The following CCDC97 variants were observed in gnomAD, a reference collection of about 807,000 sequenced individuals.
The protein encoded by CCDC97 is coiled-coil domain containing 97, also known as coiled-coil domain-containing protein 97.
Under a neutral mutation model 33.9 loss-of-function variants are expected in CCDC97, and 27 were observed. That is an observed-to-expected ratio of 0.80 (90% CI 0.59 to 1.10). The LOEUF is 1.10. Among genes scored for constraint, CCDC97 ranks in the 50% least tolerant of loss-of-function variants. The pLI is 0.00. For missense variants in CCDC97, 422 were observed against 476.6 expected (o/e 0.89, Z 1.07); for synonymous variants, 217 against 194.0 (o/e 1.12, Z -0.99).
rs148882396 is a variant in CCDC97, at chr19:41,320,657, C to G, written c.911+187C>G. 6 of 620,940 alleles carry G rather than the reference C, an allele frequency of 9.7e-6. No homozygotes were observed. In the East Asian group the frequency reaches 1.8e-4, roughly 18 times the overall value. The allele number at this position is 620,940 out of a possible 1,614,324, so 38.5% of individuals were successfully genotyped here. A position where few individuals can be genotyped will look rare whatever the true frequency, so the allele number is the denominator to read the frequency against. On this transcript the variant is annotated intron_variant, in intron 4 of 4. Coordinates refer to ENST00000269967, the MANE Select transcript of CCDC97 (RefSeq NM_052848.3). Reference sequence around the variant, plus strand: ...GTGACCTCGGACTAGCCTTGTCCATCTCAGACCCTCAGTCTCCTCACCTCT... The same window carrying G: ...GTGACCTCGGACTAGCCTTGTCCATGTCAGACCCTCAGTCTCCTCACCTCT...
rs1489314564 is a variant in CCDC97, at chr19:41,316,826, A to T, written c.489A>T (p.Arg163=). The change falls in exon 2 of 5, where the codon CGA becomes CGT. Residue 163 remains arginine (R), a synonymous_variant. Coordinates refer to ENST00000269967, the MANE Select transcript of CCDC97 (RefSeq NM_052848.3). ...GTAACCGGCGCTATGCTGCCCTGCG[A>T]GAGCTGATCCAAGGTGTGGGGGCCA... The part of the protein sequence containing the change: ...RLRNRRYAAL[R]ELIQGGEYFS... The T allele has an allele frequency of 6.3e-7, 1 of 1,586,770 alleles. No individual in the cohort carries two copies. The highest frequency in any genetic ancestry group is 8.6e-7 in the Non-Finnish European group (1 of 1,159,508).
intron 1 of CCDC97, among the ~76,000 whole-genome samples, chr19:41,313,475 T>C (rs556585054): frequency 2.0e-5 from 3 of 152,326 alleles, no homozygotes; most frequent in African/African-American, 7.2e-5. Context: ...CCACAGCCCC[T>C]GCCCTTGTCC....
chr19:41,314,910 G>A (rs1320421922), intron 1 of CCDC97, among the ~76,000 whole-genome samples: 1 of 152,094 alleles, frequency 6.6e-6, no homozygotes, highest in African/African-American at 2.4e-5. Context: ...ATCGAGGTGG[G>A]AGGATTGCCT....
chr19:41,310,796 C>T, intron 1 of CCDC97: 1 of 1,000,690 alleles, frequency 1.0e-6, no homozygotes, highest in South Asian at 4.4e-5. Context: ...GCAAACTTAT[C>T]CCAATCTAAC....
intron 1 of CCDC97, among the ~76,000 whole-genome samples, chr19:41,314,831 C>G (rs1012554539): frequency 1.3e-5 from 2 of 152,072 alleles, no homozygotes; most frequent in Non-Finnish European, 2.9e-5. Context: ...AAGACCCTGT[C>G]TCTACCAAAA....
intron 4 of CCDC97, among the ~76,000 whole-genome samples, chr19:41,321,183 C>T (rs1255787357): frequency 1.3e-5 from 2 of 152,250 alleles, no homozygotes; most frequent in Non-Finnish European, 2.9e-5. Context: ...ATTGCCCCTG[C>T]CGTGGGGCCC....
chr19:41,315,508 A>G lies in CCDC97; in HGVS notation c.47-876A>G, dbSNP rs1192764946. On this transcript the variant is annotated intron_variant, in intron 1 of 4. Transcript: ENST00000269967. ...GTAATCCCAGCTAGTTGGGAGGCTGAGGCACCAACCACAATAACTTGAACC... is the reference window on the plus strand; with the variant it reads ...GTAATCCCAGCTAGTTGGGAGGCTGGGGCACCAACCACAATAACTTGAACC... 3.3e-5 allele frequency among the ~76,000 whole-genome samples: 5 copies of G among 151,656 alleles called. No homozygotes were observed. In the East Asian group the frequency reaches 9.8e-4, roughly 30 times the overall value.
rs1219379537 is a variant in CCDC97, at chr19:41,319,635, C to T, written c.564C>T (p.Tyr188=). 11 of 1,614,006 alleles carry T rather than the reference C, an allele frequency of 6.8e-6. No individual in the cohort carries two copies. Among genetic ancestry groups the T allele is most frequent in the African/African-American group, 1.3e-5 (1 of 75,048 alleles). The change falls in exon 3 of 5, where the codon TAC becomes TAT. Residue 188 remains tyrosine (Y), a synonymous_variant. Coordinates refer to ENST00000269967, the MANE Select transcript of CCDC97 (RefSeq NM_052848.3). Reference sequence around the variant, plus strand: ...GGGCCCCCCTGCTATATGAGCAGTACATCGGGCAGTATCTCACCCAGGAGG... The same window carrying T: ...GGGCCCCCCTGCTATATGAGCAGTATATCGGGCAGTATCTCACCCAGGAGG... The part of the protein sequence containing the change: ...RFRAPLLYEQ[Y]IGQYLTQEEL...
At position 41,316,445 on chromosome 19, in the gene CCDC97, A is replaced by G. The variant is rs2123056854; in HGVS notation, c.108A>G (p.Lys36=). The change falls in exon 2 of 5, where the codon AAA becomes AAG. Residue 36 remains lysine (K), a synonymous_variant. Transcript: ENST00000269967. ...GELSRTPVPS[K]PQDKVEAAEA... ...TGAGCCGGACACCAGTCCCATCTAA[A>G]CCCCAGGACAAAGTGGAAGCAGCTG... is the stretch of plus-strand genomic sequence containing the variant. The G allele has an allele frequency of 6.2e-7, 1 of 1,613,988 alleles. No homozygotes were observed. Among genetic ancestry groups the G allele is most frequent in the Non-Finnish European group, 8.5e-7 (1 of 1,180,000 alleles).
chr19:41,313,306 C>T (rs1044285274), intron 1 of CCDC97, among the ~76,000 whole-genome samples: 1 of 152,178 alleles, frequency 6.6e-6, no homozygotes, highest in Non-Finnish European at 1.5e-5. Flanking sequence ...CTGTCTCCAG[C>T]CCAACATTTC....
At chr19:41,320,612 C>A in intron 4 of CCDC97, 142 bp downstream of exon 4, 2 of 1,081,220 alleles carry the variant, frequency 1.8e-6, no homozygotes, top group Non-Finnish European at 2.7e-6. Context: ...TGGGGTTGAA[C>A]AGCCAAAGGA....
At chr19:41,311,921 C>T (rs1368342427) in intron 1 of CCDC97, among the ~76,000 whole-genome samples, 1 of 152,078 alleles carries the variant, frequency 6.6e-6, no homozygotes, top group Non-Finnish European at 1.5e-5. Flanking sequence ...AAAAATTTGT[C>T]TCTTGGCCCC....
intron 3 of CCDC97, among the ~76,000 whole-genome samples, 183 bp from the exon 4 acceptor site, chr19:41,320,158 T>C (rs2037805456): frequency 6.6e-6 from 1 of 152,140 alleles, no homozygotes; most frequent in Non-Finnish European, 1.5e-5. Flanking sequence ...CAGAGCACTA[T>C]ATGGTCATGT....
At chr19:41,311,736 CA>C (rs542098711) in intron 1 of CCDC97, among the ~76,000 whole-genome samples, 155 of 140,806 alleles carry the variant, frequency 1.1e-3, no homozygotes, top group Admixed American at 1.3e-3. Flanking sequence ...AACTCTGTCT[CA>C]AAAAAAAAAA....
At position 41,323,515 on chromosome 19, in the gene CCDC97, C is replaced by G. The variant is rs969082420; in HGVS notation, c.*800C>G. 6.5e-6 allele frequency: 1 copy of G among 153,022 alleles called. No homozygotes were observed. The highest frequency in any genetic ancestry group is 1.5e-5 in the Non-Finnish European group (1 of 68,372). 9.5% of individuals were successfully genotyped at this position (153,022 alleles called of 1,614,324 possible). A position where few individuals can be genotyped will look rare whatever the true frequency, so the allele number is the denominator to read the frequency against. On this transcript the variant is annotated 3_prime_UTR_variant, in exon 5 of 5. Transcript: ENST00000269967. The stretch of plus-strand genomic sequence containing the variant: ...CCCAGGGGAGGGAGGAGACCCCAGG[C>G]AGGGAGGATGGGGGCAGCTCTCTTC...
intron 1 of CCDC97, among the ~76,000 whole-genome samples, chr19:41,313,428 C>A (rs2037709984): frequency 6.6e-6 from 1 of 152,188 alleles, no homozygotes; most frequent in Non-Finnish European, 1.5e-5. Context: ...CTCCTGACAT[C>A]TTTCTGATTC....
chr19:41,311,052 T>C (rs745627266), intron 1 of CCDC97: 1 of 207,460 alleles, frequency 4.8e-6, no homozygotes, highest in Non-Finnish European at 8.4e-6. Context: ...TCTACTTTTG[T>C]GTATGTTTGA....
At position 41,322,674 on chromosome 19, in the gene CCDC97, G is replaced by C; in HGVS notation, c.991G>C (p.Glu331Gln). Residue 331 changes from glutamate to glutamine, a missense_variant, in exon 5 of 5, where the codon GAA becomes CAA. Coordinates refer to ENST00000269967, the MANE Select transcript of CCDC97 (RefSeq NM_052848.3). ...GGAGGAGAGGTACTTTGATGAGGAA[G>C]AACCTGAGGATGCGCCCAGCCCAGA... ...DEEERYFDEEEPEDAPSPELD... is the reference protein window; with the variant it reads ...DEEERYFDEEQPEDAPSPELD... 6.2e-7 allele frequency: 1 copy of C among 1,613,910 alleles called. No homozygotes were observed. The highest frequency in any genetic ancestry group is 2.2e-5 in the East Asian group (1 of 44,842).
intron 2 of CCDC97, among the ~76,000 whole-genome samples, chr19:41,317,279 A>G (rs2123058384): frequency 6.6e-6 from 1 of 151,894 alleles, no homozygotes; most frequent in Middle Eastern, 3.4e-3. Flanking sequence ...ACCATGAAGG[A>G]AAAAAAAGAT....
Sources: gnomAD v4.1 joint callset for allele counts (sites outside exome capture counted in the v4.1 genomes callset) on GRCh38, gnomAD v4.1.1 for gene constraint, MANE v1.5 for transcripts, NCBI Gene and HGNC (gene_info 2026-07-23, HGNC 2026-07-21) for gene names.